Variants in CCDC93 observed in about 807,000 individuals in gnomAD.
CCDC93 encodes CCC complex scaffolding subunit CCDC93.
CCDC93 carries 61 observed loss-of-function variants against 108.2 expected under a neutral mutation model. The observed-to-expected ratio is 0.56, with a 90% CI of 0.46 to 0.70. The LOEUF (loss-of-function observed/expected upper bound fraction) is 0.70. Among genes scored for constraint, CCDC93 ranks in the 30% least tolerant of loss-of-function variants. The pLI is 0.00. For missense variants in CCDC93, 685 were observed against 764.2 expected (o/e 0.90, Z 1.22); for synonymous variants, 276 against 260.4 (o/e 1.06, Z -0.58).
At chr2:117,951,795 C>G (rs563429387) in intron 13 of CCDC93, 1 of 578,156 alleles carries the variant, frequency 1.7e-6, no homozygotes, top group East Asian at 1.4e-4. Context: ...GGGAAGTGAG[C>G]AGCGACAATG....
rs748803756 is a variant in CCDC93, at chr2:117,995,819, TTC to T, written c.463-319_463-318del. On this transcript the variant is annotated intron_variant, in intron 5 of 23. Transcript: ENST00000376300. ...AGTTACTTAACCTCTAAGCCTCAGT[TTC>T]TCTGTCTATGAAACAGAGATAAAAA... The T allele has an allele frequency of 5.6e-4, 131 of 233,476 alleles. 1 individual carries two copies. Among genetic ancestry groups the T allele is most frequent in the Non-Finnish European group, 1.0e-3 (121 of 119,616 alleles). The allele number at this position is 233,476 out of a possible 1,614,324, so 14.5% of individuals were successfully genotyped here.
At chr2:117,995,603 C>A in intron 5 of CCDC93, 101 bp from the exon 6 acceptor site, 1 of 901,178 alleles carries the variant, frequency 1.1e-6, no homozygotes, top group South Asian at 1.5e-5. Context: ...CATCTCATCA[C>A]TACTTTGCCT....
intron 11 of CCDC93, among the ~76,000 whole-genome samples, chr2:117,972,966 A>G (rs545065386): frequency 1.1e-4 from 16 of 152,290 alleles, no homozygotes; most frequent in African/African-American, 3.6e-4. Flanking sequence ...GAGACATTCC[A>G]AGCTGTTTTA....
At position 118,006,966 on chromosome 2, in the gene CCDC93, C is replaced by T. The variant is rs1341991198; in HGVS notation, c.157-150G>A. ...AGAGAGAGAGTGTGTGTCCTCCTTA[C>T]CCCATCAAGTACAATTAATCTAAAA... On this transcript the variant is annotated intron_variant, in intron 2 of 23. Transcript: ENST00000376300. 3 of 613,606 alleles carry T rather than the reference C, an allele frequency of 4.9e-6. No individual in the cohort carries two copies. In the African/African-American group the frequency reaches 5.6e-5, roughly 11 times the overall value. 38.0% of individuals were successfully genotyped at this position (613,606 alleles called of 1,614,324 possible). A position where few individuals can be genotyped will look rare whatever the true frequency, so the allele number is the denominator to read the frequency against.
intron 20 of CCDC93, among the ~76,000 whole-genome samples, chr2:117,938,332 T>A (rs1313724460): frequency 1.3e-5 from 2 of 152,182 alleles, no homozygotes; most frequent in Non-Finnish European, 2.9e-5. Flanking sequence ...TTAAGACATA[T>A]CTGCATACTG....
intron 7 of CCDC93, among the ~76,000 whole-genome samples, chr2:117,981,507 AC>A (rs1342070342): frequency 2.6e-5 from 4 of 152,052 alleles, no homozygotes; most frequent in Non-Finnish European, 4.4e-5. Context: ...GATTCTTGCT[AC>A]CTACACTGTT....
chr2:118,008,046 T>C (rs1055407733), intron 2 of CCDC93, among the ~76,000 whole-genome samples: 11 of 152,208 alleles, frequency 7.2e-5, no homozygotes, highest in South Asian at 4.1e-4. Flanking sequence ...TGTGCCTCTG[T>C]TTTTTCTCTG....
intron 23 of CCDC93, among the ~76,000 whole-genome samples, chr2:117,920,710 T>C (rs1356499599): frequency 6.6e-6 from 1 of 152,192 alleles, no homozygotes; most frequent in Non-Finnish European, 1.5e-5. Context: ...CACACTTATC[T>C]GCCAGTCTTG....
chr2:117,978,783 C>T (rs1346151942), intron 7 of CCDC93, among the ~76,000 whole-genome samples: 4 of 152,080 alleles, frequency 2.6e-5, no homozygotes, highest in African/African-American at 7.2e-5. Context: ...TGAGGCGGGC[C>T]TATCACCTGA....
chr2:117,920,832 A>AAGTT (rs1330406638), intron 23 of CCDC93, among the ~76,000 whole-genome samples: 1 of 152,192 alleles, frequency 6.6e-6, no homozygotes, highest in Non-Finnish European at 1.5e-5. Flanking sequence ...CTAACAGTGA[A>AAGTT]AGTTAAGAAT....
At chr2:117,998,162 G>C (rs1439241596) in intron 4 of CCDC93, 1 of 152,214 alleles carries the variant, frequency 6.6e-6, no homozygotes, top group Non-Finnish European at 1.5e-5. Flanking sequence ...CCAGGGGCCA[G>C]AAATTAGATC....
rs1344886275 is a variant in CCDC93, at chr2:117,917,197, G to A, written c.*3146C>T. 1.3e-5 allele frequency: 2 copies of A among 152,636 alleles called. No individual in the cohort carries two copies. The highest frequency in any genetic ancestry group is 2.9e-5 in the Non-Finnish European group (2 of 68,064). The allele number at this position is 152,636 out of a possible 1,614,324, so 9.5% of individuals were successfully genotyped here. A position where few individuals can be genotyped will look rare whatever the true frequency, so the allele number is the denominator to read the frequency against. ...CATATGAGGCAGCAGAAATATGAGG[G>A]CACAGGTTAGAGCCAGGGCTCACTG... On this transcript the variant is annotated 3_prime_UTR_variant, in exon 24 of 24. Coordinates refer to ENST00000376300, the MANE Select transcript of CCDC93 (RefSeq NM_019044.5).
rs552597179 is a variant in CCDC93 at position 117,993,585 on chromosome 2, C to T, written c.519+1861G>A. On this transcript the variant is annotated intron_variant, in intron 6 of 23. Transcript: ENST00000376300. The stretch of plus-strand genomic sequence containing the variant: ...CTGCTGCTGGCCTAGCAATTTCCTG[C>T]CTCAGAGGTAACATGATTATCACCT... 2.0e-5 allele frequency among the ~76,000 whole-genome samples: 3 copies of T among 152,274 alleles called. No individual in the cohort carries two copies. The South Asian group carries it at 6.2e-4, about 32-fold the overall frequency.
rs746438552 is a variant in CCDC93 at position 117,978,022 on chromosome 2, C to G, written c.629G>C (p.Gly210Ala). ...ATLLEYGRRY[G>A]FSRQSKMEKA... ...CTCCATTTTGCTCTGGCGGCTAAAT[C>G]CATATCTCCTGCAGGCCACAAAAAA... Residue 210 changes from glycine (G) to alanine (A), a missense_variant, in exon 8 of 24, where the codon GGA (glycine) becomes GCA (alanine). Gly to Ala is a moderately conservative substitution (Grantham distance 60, BLOSUM62 0). Coordinates refer to ENST00000376300, the MANE Select transcript of CCDC93 (RefSeq NM_019044.5). 1 of 1,613,738 alleles carries G rather than the reference C, an allele frequency of 6.2e-7. No homozygotes were observed. The highest frequency in any genetic ancestry group is 1.3e-5 in the African/African-American group (1 of 74,916).
chr2:118,008,773 C>T, intron 1 of CCDC93, 115 bp from the exon 2 acceptor site: 1 of 661,428 alleles, frequency 1.5e-6, no homozygotes, highest in East Asian at 2.6e-5. Context: ...TTGGCTACAT[C>T]ACCACAATAG....
At chr2:117,950,684 C>G in intron 13 of CCDC93, 1 of 985,368 alleles carries the variant, frequency 1.0e-6, no homozygotes, top group Non-Finnish European at 1.2e-6. Context: ...GAGAACCAGG[C>G]CCAGAGGTGA....
chr2:117,965,034 A>G (rs1679514991), intron 11 of CCDC93, among the ~76,000 whole-genome samples: 2 of 152,142 alleles, frequency 1.3e-5, no homozygotes, highest in Admixed American at 1.3e-4. Flanking sequence ...TGGCCCTCTA[A>G]AACTTCAGAG....
chr2:117,990,976 T>C (rs1680460128), intron 6 of CCDC93, among the ~76,000 whole-genome samples: 1 of 151,052 alleles, frequency 6.6e-6, no homozygotes, highest in Admixed American at 6.6e-5. Context: ...TACAACAGCA[T>C]TAGTACAAAA....
chr2:117,938,869 T>C (rs1308894106), intron 20 of CCDC93, among the ~76,000 whole-genome samples, 160 bp downstream of exon 20: 1 of 152,212 alleles, frequency 6.6e-6, no homozygotes, highest in East Asian at 1.9e-4. Context: ...CCAAGGAATC[T>C]TGCACTTTCT....
Sources: gnomAD v4.1 joint callset for allele counts (sites outside exome capture counted in the v4.1 genomes callset) on GRCh38, gnomAD v4.1.1 for gene constraint, MANE v1.5 for transcripts, NCBI Gene and HGNC (gene_info 2026-07-23, HGNC 2026-07-21) for gene names.